NALF1: variants seen among roughly 807,000 people sequenced by gnomAD.
NALF1 encodes the protein NALCN channel auxiliary factor 1, also known as family with sequence similarity 155 member A.
Under a neutral mutation model 48.4 loss-of-function variants are expected in NALF1, and 3 were observed. That is an observed-to-expected ratio of 0.06 (90% CI 0.03 to 0.16). NALF1 has a LOEUF of 0.16. Ranked by LOEUF, NALF1 falls within the 10% of genes least tolerant of loss-of-function variation. The pLI is 1.00. For missense variants in NALF1, 526 were observed against 571.5 expected (o/e 0.92, Z 0.81); for synonymous variants, 262 against 245.7 (o/e 1.07, Z -0.62).
At chr13:107,804,649 T>C (rs1415960474) in intron 1 of NALF1, among the ~76,000 whole-genome samples, 1 of 152,120 alleles carries the variant, frequency 6.6e-6, no homozygotes, top group African/African-American at 2.4e-5. Context: ...CACAGGAGAA[T>C]ATCGGCACAC....
At chr13:107,565,772 T>C (rs1014614177) in intron 1 of NALF1, among the ~76,000 whole-genome samples, 2 of 152,218 alleles carry the variant, frequency 1.3e-5, no homozygotes, top group African/African-American at 4.8e-5. Flanking sequence ...TAATTAGAGC[T>C]TTCTCCTTAA....
rs544229649 is a variant in NALF1 at position 107,207,065 on chromosome 13, A to C, written c.1087+3519T>G. ...AATCAAATGCTTGATGATTTTTTTC[A>C]AAAAGAAAAATTGCTGGAGGCAAGA... On this transcript the variant is annotated intron_variant, in intron 2 of 2. Coordinates refer to ENST00000375915, the MANE Select transcript of NALF1 (RefSeq NM_001080396.3). 2.8e-4 allele frequency among the ~76,000 whole-genome samples: 42 copies of C among 152,310 alleles called. 2 individuals carry two copies. The South Asian group carries it at 8.5e-3, about 31-fold the overall frequency.
chr13:107,606,511 G>A (rs113243190), intron 1 of NALF1, among the ~76,000 whole-genome samples: 4,255 of 151,976 alleles, frequency 0.028, 147 homozygotes, highest in African/African-American at 0.082. Flanking sequence ...GATTACAGGT[G>A]CCAGCCACAG....
intron 1 of NALF1, among the ~76,000 whole-genome samples, chr13:107,668,279 C>T (rs1025276974): frequency 1.3e-5 from 2 of 152,084 alleles, no homozygotes; most frequent in Non-Finnish European, 2.9e-5. Flanking sequence ...AACTTTCCAT[C>T]TCAACTACTA....
intron 1 of NALF1, among the ~76,000 whole-genome samples, chr13:107,342,074 T>C (rs1250158643): frequency 6.6e-6 from 1 of 152,164 alleles, no homozygotes; most frequent in African/African-American, 2.4e-5. Flanking sequence ...AATTAGCTTA[T>C]CAAATACTAT....
chr13:107,451,437 C>T (rs1884738204), intron 1 of NALF1, among the ~76,000 whole-genome samples: 4 of 152,104 alleles, frequency 2.6e-5, no homozygotes, highest in Admixed American at 6.5e-5. Flanking sequence ...TTATAGTTCT[C>T]AGAACAAACA....
intron 1 of NALF1, among the ~76,000 whole-genome samples, chr13:107,546,095 A>G (rs1874340822): frequency 6.6e-6 from 1 of 151,924 alleles, no homozygotes. Flanking sequence ...CTGGGCCTTC[A>G]TTCTTCCCAG....
At chr13:107,687,917 G>GA (rs1362614525) in intron 1 of NALF1, among the ~76,000 whole-genome samples, 8 of 152,252 alleles carry the variant, frequency 5.3e-5, no homozygotes, top group African/African-American at 1.2e-4. Flanking sequence ...AAAAATGCCT[G>GA]AAATCCCAAA....
chr13:107,612,097 A>AGTTG (rs1594160240), intron 1 of NALF1, among the ~76,000 whole-genome samples: 1 of 37,080 alleles, frequency 2.7e-5, no homozygotes, highest in Admixed American at 4.1e-4. Context: ...GAGAGAGGGG[A>AGTTG]GGGGGAGGGA....
chr13:107,211,556 A>C (rs2138805550), intron 1 of NALF1, among the ~76,000 whole-genome samples: 1 of 152,308 alleles, frequency 6.6e-6, no homozygotes, highest in Non-Finnish European at 1.5e-5. Context: ...ACATTGAAAA[A>C]ATTGCCTTTT....
chr13:107,679,081 G>A (rs1426077961), intron 1 of NALF1, among the ~76,000 whole-genome samples: 8 of 152,136 alleles, frequency 5.3e-5, no homozygotes, highest in Non-Finnish European at 8.8e-5. Flanking sequence ...ACCTTCCATT[G>A]TTCTGACTTT....
chr13:107,695,356 A>T (rs1489421178), intron 1 of NALF1, among the ~76,000 whole-genome samples: 4 of 152,214 alleles, frequency 2.6e-5, no homozygotes, highest in Non-Finnish European at 5.9e-5. Context: ...AGCTTTGTAG[A>T]AACCAATATG....
chr13:107,426,267 G>A (rs113204678), intron 1 of NALF1, among the ~76,000 whole-genome samples: 2,881 of 152,284 alleles, frequency 0.019, 33 homozygotes, highest in South Asian at 0.029. Flanking sequence ...TCAAGTTTTT[G>A]TTAGGTGAGG....
intron 1 of NALF1, among the ~76,000 whole-genome samples, chr13:107,714,911 T>C (rs1875706312): frequency 6.6e-6 from 1 of 152,122 alleles, no homozygotes; most frequent in Admixed American, 6.5e-5. Flanking sequence ...CAAATGTGGA[T>C]ATTAACAATG....
rs187879896 is a variant in NALF1 at position 107,502,530 on chromosome 13, C to T, written c.916-291775G>A. Among the ~76,000 whole-genome samples, 355 of 152,302 alleles carry T rather than the reference C, an allele frequency of 2.3e-3. 3 individuals are homozygous for T. The highest frequency in any genetic ancestry group is 0.016 in the East Asian group (81 of 5,158). ...ACCTCCATGGAAACCACCTGTTCCA[C>T]ATGGTTACCATCACCACAGGTTACC... On this transcript the variant is annotated intron_variant, in intron 1 of 2. Transcript: ENST00000375915.
intron 1 of NALF1, among the ~76,000 whole-genome samples, chr13:107,547,130 A>C (rs1877156012): frequency 6.6e-6 from 1 of 152,228 alleles, no homozygotes; most frequent in African/African-American, 2.4e-5. Context: ...ATTGATAATC[A>C]TCACAATATA....
intron 1 of NALF1, among the ~76,000 whole-genome samples, chr13:107,825,182 T>TTGTTTTTTTTA (rs1282115300): frequency 2.0e-5 from 3 of 152,196 alleles, no homozygotes; most frequent in Admixed American, 2.0e-4. Flanking sequence ...AGCTTTGGCT[T>TTGTTTTTTTTA]TGTTTTTTTT....
intron 1 of NALF1, among the ~76,000 whole-genome samples, chr13:107,308,603 T>C (rs1881986751): frequency 6.6e-6 from 1 of 152,210 alleles, no homozygotes; most frequent in Non-Finnish European, 1.5e-5. Flanking sequence ...TAGTTTTCCA[T>C]GAATTACAAA....
intron 1 of NALF1, among the ~76,000 whole-genome samples, chr13:107,311,054 A>C (rs1882034859): frequency 6.6e-6 from 1 of 152,240 alleles, no homozygotes. Context: ...TGTTAAGAAA[A>C]GAAACTCAGA....
Sources: gnomAD v4.1 joint callset for allele counts (sites outside exome capture counted in the v4.1 genomes callset) on GRCh38, gnomAD v4.1.1 for gene constraint, MANE v1.5 for transcripts, NCBI Gene and HGNC (gene_info 2026-07-23, HGNC 2026-07-21) for gene names.